AP2B1: variants seen among roughly 807,000 people sequenced by gnomAD.
AP2B1 encodes adaptor related protein complex 2 subunit beta 1, also known as AP-2 complex subunit beta.
A neutral mutation model predicts 102.0 loss-of-function variants in AP2B1; 23 were observed. The observed-to-expected ratio is 0.23, with a 90% confidence interval of 0.16 to 0.32. The LOEUF (loss-of-function observed/expected upper bound fraction) is 0.32. Among genes scored for constraint, AP2B1 ranks in the 10% least tolerant of loss-of-function variants. The pLI, the probability that AP2B1 is intolerant of heterozygous loss-of-function variation, is 1.00. For synonymous variants in AP2B1, 381 were observed against 421.2 expected, an observed-to-expected ratio of 0.90 and a Z score of 1.17; for missense variants, 541 against 1,157.4, an observed-to-expected ratio of 0.47 and a Z score of 7.73.
intron 17 of AP2B1, among the ~76,000 whole-genome samples, chr17:35,675,272 A>G (rs1293795847): frequency 1.3e-5 from 2 of 152,240 alleles, no homozygotes; most frequent in African/African-American, 4.8e-5. Flanking sequence ...TTGTAAATAC[A>G]GGATATTTAG....
At chr17:35,662,532 G>GTTTTT (rs34547701) in intron 14 of AP2B1, among the ~76,000 whole-genome samples, 38 of 110,076 alleles carry the variant, frequency 3.5e-4, no homozygotes, top group South Asian at 6.2e-4. Context: ...GTTTGGGTTT[G>GTTTTT]TTTTTTTTTT....
chr17:35,676,504 C>T (rs540845451), intron 17 of AP2B1, among the ~76,000 whole-genome samples: 2 of 152,236 alleles, frequency 1.3e-5, no homozygotes, highest in East Asian at 1.9e-4. Flanking sequence ...AGTTTGTTGA[C>T]GTGCTCACAA....
chr17:35,623,687 T>C (rs2074244115), intron 5 of AP2B1, among the ~76,000 whole-genome samples: 1 of 152,190 alleles, frequency 6.6e-6, no homozygotes, highest in Non-Finnish European at 1.5e-5. Flanking sequence ...TTCAAAGGTG[T>C]TAATGTGAAA....
intron 9 of AP2B1, 32 bp downstream of exon 9, chr17:35,627,758 T>C: frequency 6.5e-7 from 1 of 1,548,348 alleles, no homozygotes; most frequent in South Asian, 1.2e-5. Context: ...GGATCATGTA[T>C]TGGGGATTCT....
chr17:35,631,901 T>C (rs1310128564), intron 9 of AP2B1, among the ~76,000 whole-genome samples: 1 of 152,212 alleles, frequency 6.6e-6, no homozygotes, highest in Non-Finnish European at 1.5e-5. Context: ...TTAAAGTCTT[T>C]TGTAATTGAG....
At chr17:35,601,490 C>G (rs1282155469) in intron 3 of AP2B1, among the ~76,000 whole-genome samples, 1 of 152,174 alleles carries the variant, frequency 6.6e-6, no homozygotes. Context: ...TGCCATCACT[C>G]CTGGCTGACG....
chr17:35,635,618 A>G (rs2074585607), intron 9 of AP2B1, among the ~76,000 whole-genome samples: 1 of 151,932 alleles, frequency 6.6e-6, no homozygotes, highest in Non-Finnish European at 1.5e-5. Flanking sequence ...TCCTGACCTC[A>G]TGATCCAGCT....
Position 35,605,807 on chromosome 17 carries a change from C to T in AP2B1, c.246C>T (p.Asp82=). The change falls in exon 4 of 22, where the codon GAC becomes GAT. Residue 82 remains aspartate, a synonymous_variant. Transcript: ENST00000610402. The part of the protein sequence containing the change: ...YLMNYAKSQP[D]MAIMAVNSFV... ...TGAACTACGCCAAGAGTCAGCCAGA[C>T]ATGGCCATCATGGCTGTAAACAGCT... 6.2e-7 allele frequency: 1 copy of T among 1,613,278 alleles called. No individual in the cohort carries two copies. The highest frequency in any genetic ancestry group is 1.3e-5 in the African/African-American group (1 of 74,982).
intron 18 of AP2B1, among the ~76,000 whole-genome samples, chr17:35,708,984 G>A (rs2076397135): frequency 6.6e-6 from 1 of 152,162 alleles, no homozygotes; most frequent in African/African-American, 2.4e-5. Context: ...TATACAAGTT[G>A]TGCCTTGAAG....
intron 14 of AP2B1, among the ~76,000 whole-genome samples, chr17:35,667,381 C>G (rs2075490698): frequency 6.6e-6 from 1 of 152,180 alleles, no homozygotes; most frequent in African/African-American, 2.4e-5. Flanking sequence ...GTATCCCTGG[C>G]TGTGTCTCTG....
chr17:35,614,656 A>G (rs912984117), intron 5 of AP2B1, among the ~76,000 whole-genome samples: 8 of 5,592 alleles, frequency 1.4e-3, no homozygotes, highest in African/African-American at 3.3e-3. Context: ...TTGAATTAGT[A>G]AAAAAAAAAA....
chr17:35,691,691 A>ATC (rs2076045551), intron 18 of AP2B1, among the ~76,000 whole-genome samples: 2 of 152,230 alleles, frequency 1.3e-5, no homozygotes, highest in African/African-American at 2.4e-5. Flanking sequence ...CCAGCGTTGG[A>ATC]TCTACTATCC....
intron 14 of AP2B1, among the ~76,000 whole-genome samples, chr17:35,667,812 G>A (rs1298842029): frequency 6.6e-6 from 1 of 152,148 alleles, no homozygotes; most frequent in East Asian, 1.9e-4. Flanking sequence ...CCAGAAGAGG[G>A]GAGAATAAGT....
At chr17:35,678,775 A>G (rs2075754540) in intron 17 of AP2B1, among the ~76,000 whole-genome samples, 1 of 152,084 alleles carries the variant, frequency 6.6e-6, no homozygotes, top group Non-Finnish European at 1.5e-5. Context: ...TTTTACATCT[A>G]TGTTCATGAT....
intron 9 of AP2B1, among the ~76,000 whole-genome samples, chr17:35,633,441 G>A (rs570304973): frequency 1.6e-4 from 25 of 151,808 alleles, no homozygotes; most frequent in African/African-American, 6.0e-4. Flanking sequence ...TGATCTCAAG[G>A]TACAGTTTTG....
chr17:35,692,673 T>C (rs1794967135), intron 18 of AP2B1, among the ~76,000 whole-genome samples: 1 of 152,010 alleles, frequency 6.6e-6, no homozygotes, highest in Non-Finnish European at 1.5e-5. Flanking sequence ...AGAAAGTACA[T>C]TATTCATACT....
intron 12 of AP2B1, among the ~76,000 whole-genome samples, chr17:35,648,037 A>T (rs375855088): frequency 1.3e-5 from 2 of 152,084 alleles, no homozygotes; most frequent in East Asian, 3.9e-4. Context: ...GACTACAGGC[A>T]TGAGCCACTG....
intron 5 of AP2B1, among the ~76,000 whole-genome samples, chr17:35,618,948 C>T (rs773405594): frequency 6.6e-6 from 1 of 152,134 alleles, no homozygotes; most frequent in Non-Finnish European, 1.5e-5. Flanking sequence ...GTATATAAAT[C>T]TACATGTCAC....
At position 35,709,239 on chromosome 17, in the gene AP2B1, A is replaced by C; in HGVS notation, c.2470A>C (p.Asn824His). Residue 824 changes from asparagine (N) to histidine (H), a missense_variant, in exon 19 of 22, where the codon AAT becomes CAT. Coordinates refer to ENST00000610402, the MANE Select transcript of AP2B1 (RefSeq NM_001030006.2). ...LNNLQVAVKN[N>H]IDVFYFSCLI... ...TTCCTGGCAGGTGGCTGTGAAAAAC[A>C]ATATCGATGTCTTCTACTTCAGCTG... 1.2e-6 allele frequency: 2 copies of C among 1,614,078 alleles called. No homozygotes were observed. The highest frequency in any genetic ancestry group is 1.7e-6 in the Non-Finnish European group (2 of 1,180,002).
Sources: allele counts gnomAD v4.1 joint callset (sites outside exome capture counted in the v4.1 genomes callset), GRCh38; gene constraint gnomAD v4.1.1; transcripts MANE v1.5; gene names NCBI Gene and HGNC (gene_info 2026-07-23, HGNC 2026-07-21).